Variants in SHROOM3 observed in about 807,000 individuals in gnomAD.
SHROOM3 encodes the protein shroom family member 3.
A neutral mutation model predicts 138.6 loss-of-function variants in SHROOM3; 47 were observed. The observed-to-expected ratio is 0.34, with a 90% CI of 0.27 to 0.43. The LOEUF is 0.43. Among genes scored for constraint, SHROOM3 ranks in the 20% least tolerant of loss-of-function variants. The probability of loss-of-function intolerance (pLI) is 1.00; values close to 1 mark genes in which losing one functional copy is unlikely to be tolerated. For synonymous variants in SHROOM3, 1,062 were observed against 1,063.3 expected, an observed-to-expected ratio of 1.00 and a Z score of 0.02; for missense variants, 2,491 against 2,596.5, an observed-to-expected ratio of 0.96 and a Z score of 0.88.
intron 1 of SHROOM3, among the ~76,000 whole-genome samples, chr4:76,469,618 A>T (rs1417757754): frequency 6.6e-6 from 1 of 152,070 alleles, no homozygotes; most frequent in African/African-American, 2.4e-5. Flanking sequence ...TGCCACACCC[A>T]GCTAATTTTT....
intron 2 of SHROOM3, among the ~76,000 whole-genome samples, chr4:76,651,401 A>AATAAATAAATAT (rs1735955628): frequency 1.2e-5 from 1 of 86,790 alleles, no homozygotes; most frequent in African/African-American, 4.2e-5. Context: ...GTAACCCATA[A>AATAAATAAATAT]ATATATATAT....
rs909430872 is a variant in SHROOM3 at position 76,643,867 on chromosome 4, G to A, written c.324-66289G>A. 3.9e-5 allele frequency among the ~76,000 whole-genome samples: 6 copies of A among 152,086 alleles called. 1 individual carries two copies. Among genetic ancestry groups the A allele is most frequent in the Admixed American group, 2.6e-4 (4 of 15,284 alleles). ...TCTTTTCTTTTTTTTAATCTGAGACGGAGTTTTGCTCTTGTTGCCCAGGCT... is the reference window on the plus strand; with the variant it reads ...TCTTTTCTTTTTTTTAATCTGAGACAGAGTTTTGCTCTTGTTGCCCAGGCT... On this transcript the variant is annotated intron_variant, in intron 2 of 10. Transcript: ENST00000296043.
rs902014293 is a variant in SHROOM3 at position 76,458,540 on chromosome 4, C to T, written c.168+22320C>T. Among the ~76,000 whole-genome samples, 5 of 152,168 alleles carry T rather than the reference C, an allele frequency of 3.3e-5. No homozygotes were observed. In the South Asian group the frequency reaches 1.0e-3, roughly 32 times the overall value. ...CATCTTCCCATACTGAAACTCTGCACTCATTAAACAGTAATTCCCCTTTGC... is the reference window on the plus strand; with the variant it reads ...CATCTTCCCATACTGAAACTCTGCATTCATTAAACAGTAATTCCCCTTTGC... On this transcript the variant is annotated intron_variant, in intron 1 of 10. Coordinates refer to ENST00000296043, the MANE Select transcript of SHROOM3 (RefSeq NM_020859.4).
intron 1 of SHROOM3, among the ~76,000 whole-genome samples, chr4:76,508,242 G>A (rs991392605): frequency 6.6e-6 from 1 of 152,088 alleles, no homozygotes; most frequent in East Asian, 1.9e-4. Flanking sequence ...TATGGTATGA[G>A]CTAAGGGTCC....
chr4:76,746,526 A>G (rs1721440422), intron 5 of SHROOM3, among the ~76,000 whole-genome samples: 1 of 152,090 alleles, frequency 6.6e-6, no homozygotes, highest in African/African-American at 2.4e-5. Flanking sequence ...CTGTAAGCAC[A>G]CTCTATAATG....
chr4:76,678,868 G>T (rs1253634913), intron 2 of SHROOM3, among the ~76,000 whole-genome samples: 1 of 152,118 alleles, frequency 6.6e-6, no homozygotes, highest in Non-Finnish European at 1.5e-5. Context: ...CACCATGTTG[G>T]CCAGGCTGGT....
chr4:76,530,749 A>G (rs1438735654), intron 1 of SHROOM3, among the ~76,000 whole-genome samples: 1 of 152,172 alleles, frequency 6.6e-6, no homozygotes, highest in African/African-American at 2.4e-5. Context: ...GCTTCCATAA[A>G]TGGAACATGT....
At chr4:76,729,141 AC>A (rs1222150912) in intron 3 of SHROOM3, among the ~76,000 whole-genome samples, 1 of 152,206 alleles carries the variant, frequency 6.6e-6, no homozygotes, top group Non-Finnish European at 1.5e-5. Flanking sequence ...AATAGGTTCT[AC>A]TATAATCTGC....
chr4:76,604,042 G>A (rs1356424369), intron 2 of SHROOM3, among the ~76,000 whole-genome samples: 1 of 151,708 alleles, frequency 6.6e-6, no homozygotes, highest in Non-Finnish European at 1.5e-5. Context: ...GGCCAGGCTG[G>A]TCTCAAACTC....
rs116601617 is a variant in SHROOM3, at chr4:76,640,931, A to C, written c.324-69225A>C. ...CCAGGTGAAACCAAGCAGTGGGTCA[A>C]ACCAAAGGGGCTGCATGCATACATA... On this transcript the variant is annotated intron_variant, in intron 2 of 10. Transcript: ENST00000296043. Among the ~76,000 whole-genome samples the C allele has an allele frequency of 7.1e-3, 1,086 of 152,314 alleles. 8 individuals carry two copies. Among genetic ancestry groups the C allele is most frequent in the African/African-American group, 0.022 (895 of 41,572 alleles).
intron 1 of SHROOM3, among the ~76,000 whole-genome samples, chr4:76,488,740 A>G (rs1318059657): frequency 1.3e-5 from 2 of 152,228 alleles, no homozygotes; most frequent in Admixed American, 1.3e-4. Flanking sequence ...GGAAAAAAGT[A>G]TTAGTAATAA....
chr4:76,685,886 C>T (rs1316487031), intron 2 of SHROOM3, among the ~76,000 whole-genome samples: 1 of 152,142 alleles, frequency 6.6e-6, no homozygotes, highest in Non-Finnish European at 1.5e-5. Flanking sequence ...GCAGGAGAAT[C>T]GCTTGAACAA....
intron 9 of SHROOM3, among the ~76,000 whole-genome samples, chr4:76,768,447 A>G (rs927891528): frequency 6.6e-6 from 1 of 152,176 alleles, no homozygotes; most frequent in Non-Finnish European, 1.5e-5. Context: ...AACTTAAATA[A>G]TTAATATTAA....
chr4:76,564,038 G>A (rs890453865), intron 2 of SHROOM3, among the ~76,000 whole-genome samples: 1 of 152,166 alleles, frequency 6.6e-6, no homozygotes, highest in African/African-American at 2.4e-5. Flanking sequence ...GGAGCGTCTC[G>A]TGTCTGAAAT....
Position 76,754,601 on chromosome 4 carries a change from C to T in SHROOM3, c.4118C>T (p.Thr1373Ile), listed in dbSNP as rs139220915. 8 of 1,614,038 alleles carry T rather than the reference C, an allele frequency of 5.0e-6. No homozygotes were observed. The African/African-American group carries it at 8.0e-5, about 16-fold the overall frequency. ...GGCTACTGCTCACAGGACGGTCAGA[C>T]AGGGCGACAGCCTCTCCCGCCCTAC... ...PSGYCSQDGQ[T>I]GRQPLPPYTP... Residue 1373 changes from threonine (T) to isoleucine (I), a missense_variant, in exon 7 of 11, where the codon ACA (threonine) becomes ATA (isoleucine). By Grantham distance (89) the Thr-to-Ile change is moderately conservative (BLOSUM62 -1). Coordinates refer to ENST00000296043, the MANE Select transcript of SHROOM3 (RefSeq NM_020859.4).
At chr4:76,720,796 G>C (rs1325694457) in intron 3 of SHROOM3, among the ~76,000 whole-genome samples, 1 of 151,330 alleles carries the variant, frequency 6.6e-6, no homozygotes, top group Non-Finnish European at 1.5e-5. Flanking sequence ...ATTTTTACTA[G>C]AGACGGGGTT....
Position 76,664,306 on chromosome 4 carries a change from T to C in SHROOM3, c.324-45850T>C, listed in dbSNP as rs1718630388. 6.6e-6 allele frequency among the ~76,000 whole-genome samples: 1 copy of C among 152,154 alleles called. No homozygotes were observed. Among genetic ancestry groups the C allele is most frequent in the African/African-American group, 2.4e-5 (1 of 41,380 alleles). ...TTTGCCTAGAAAAGCCACTTTCTCATCTAAAGAGCTTACTGAACCTAACTT... is the reference window on the plus strand; with the variant it reads ...TTTGCCTAGAAAAGCCACTTTCTCACCTAAAGAGCTTACTGAACCTAACTT... On this transcript the variant is annotated intron_variant, in intron 2 of 10. Coordinates refer to ENST00000296043, the MANE Select transcript of SHROOM3 (RefSeq NM_020859.4). This position sits in a 1 kb window ranked among gnomAD's most constrained non-coding sequence, Gnocchi z 4.2.
At chr4:76,659,724 G>T (rs1199712370) in intron 2 of SHROOM3, among the ~76,000 whole-genome samples, 1 of 152,150 alleles carries the variant, frequency 6.6e-6, no homozygotes, top group Admixed American at 6.5e-5. Flanking sequence ...TGGGACTACA[G>T]GTGTGCGCCA....
At chr4:76,702,312 G>A (rs1184650367) in intron 2 of SHROOM3, among the ~76,000 whole-genome samples, 1 of 152,156 alleles carries the variant, frequency 6.6e-6, no homozygotes, top group Non-Finnish European at 1.5e-5. Flanking sequence ...TGCCTCAAAT[G>A]ATAAGAAGAT....
Sources: allele counts gnomAD v4.1 joint callset (sites outside exome capture counted in the v4.1 genomes callset), GRCh38; gene constraint gnomAD v4.1.1; non-coding constraint Gnocchi (gnomAD v3.1); transcripts MANE v1.5; gene names NCBI Gene and HGNC (gene_info 2026-07-23, HGNC 2026-07-21).